The following OR1J2 variants were observed in gnomAD, a reference collection of about 807,000 sequenced individuals.
The protein encoded by OR1J2 is olfactory receptor 1J2.
For missense variants in OR1J2, 304 were observed against 246.1 expected, an observed-to-expected ratio of 1.24 and a Z score of -1.57; for synonymous variants, 142 against 99.7, an observed-to-expected ratio of 1.42 and a Z score of -2.52.
chr9:122,466,419 T>G, the OR1J2 span, among the ~76,000 whole-genome samples: 1 of 152,214 alleles, frequency 6.6e-6, no homozygotes, highest in African/African-American at 2.4e-5. Flanking sequence ...GCTGTAATTC[T>G]AAGTTTGCAA....
chr9:122,510,273 C>T (rs765099539), upstream of OR1J2, among the ~76,000 whole-genome samples: 32 of 152,158 alleles, frequency 2.1e-4, no homozygotes, highest in Non-Finnish European at 3.7e-4. Context: ...TTGGAATACT[C>T]GCCACATTAA....
At chr9:122,547,010 A>G in the OR1J2 span, among the ~76,000 whole-genome samples, 1 of 152,118 alleles carries the variant, frequency 6.6e-6, no homozygotes, top group East Asian at 1.9e-4. Flanking sequence ...ATTGTTAACT[A>G]TAGTCATCCT....
At chr9:122,542,472 G>C in the OR1J2 span, among the ~76,000 whole-genome samples, 1 of 152,034 alleles carries the variant, frequency 6.6e-6, no homozygotes, top group African/African-American at 2.4e-5. Context: ...CAGTTGCCCT[G>C]TATTTTCAAC....
the OR1J2 span, among the ~76,000 whole-genome samples, chr9:122,568,966 G>T: frequency 1.1e-4 from 17 of 150,950 alleles, no homozygotes; most frequent in African/African-American, 3.9e-4. Context: ...TCAGACTGGG[G>T]GTATTTTAGA....
the OR1J2 span, among the ~76,000 whole-genome samples, chr9:122,504,062 G>A: frequency 6.6e-6 from 1 of 152,166 alleles, no homozygotes; most frequent in African/African-American, 2.4e-5. Context: ...TGATCTGGGG[G>A]CCCAGGCTAC....
the OR1J2 span, among the ~76,000 whole-genome samples, chr9:122,492,914 G>A: frequency 6.1e-4 from 93 of 152,012 alleles, no homozygotes; most frequent in African/African-American, 9.2e-4. Context: ...GGTTTTAATC[G>A]TAAAAGGATG....
the OR1J2 span, among the ~76,000 whole-genome samples, chr9:122,497,307 G>A: frequency 1.3e-5 from 2 of 152,146 alleles, no homozygotes; most frequent in Non-Finnish European, 2.9e-5. Flanking sequence ...CATCAGAGTG[G>A]GAGCTGCAAG....
chr9:122,477,911 G>T, the OR1J2 span: 22 of 1,600,182 alleles, frequency 1.4e-5, no homozygotes, highest in Middle Eastern at 1.7e-4. Flanking sequence ...ACGCTGCTCT[G>T]GTTCTCAGGG....
At chr9:122,471,728 A>G in the OR1J2 span, among the ~76,000 whole-genome samples, 25 of 152,180 alleles carry the variant, frequency 1.6e-4, 1 homozygote, top group Non-Finnish European at 2.5e-4. Context: ...AAAAGATCCT[A>G]TTGATCAAAT....
At chr9:122,570,088 A>G in the OR1J2 span, among the ~76,000 whole-genome samples, 1 of 149,220 alleles carries the variant, frequency 6.7e-6, no homozygotes, top group African/African-American at 2.5e-5. Flanking sequence ...ATTGTTGGAC[A>G]TTTGGGTTGG....
At chr9:122,531,366 A>C in the OR1J2 span, among the ~76,000 whole-genome samples, 1 of 152,220 alleles carries the variant, frequency 6.6e-6, no homozygotes, top group Non-Finnish European at 1.5e-5. Context: ...GAAACAGTGT[A>C]AACTGGCAGT....
At chr9:122,471,998 G>T in the OR1J2 span, among the ~76,000 whole-genome samples, 1 of 152,098 alleles carries the variant, frequency 6.6e-6, no homozygotes, top group East Asian at 1.9e-4. Context: ...AAACAATACT[G>T]GTCAGGTACC....
chr9:122,530,403 G>A, the OR1J2 span, among the ~76,000 whole-genome samples: 15 of 152,202 alleles, frequency 9.9e-5, no homozygotes, highest in Non-Finnish European at 2.2e-4. Flanking sequence ...GAGGCTAAAC[G>A]TACTACACTT....
chr9:122,545,852 T>C, the OR1J2 span, among the ~76,000 whole-genome samples: 66,198 of 151,624 alleles, frequency 0.44, 15,579 homozygotes, highest in East Asian at 0.87. Flanking sequence ...TAAATACCTA[T>C]GAATAATATT....
chr9:122,531,469 T>C, the OR1J2 span, among the ~76,000 whole-genome samples: 6 of 152,172 alleles, frequency 3.9e-5, no homozygotes, highest in Admixed American at 1.3e-4. Context: ...TTTTTTGGGG[T>C]ACAGTCCAGG....
chr9:122,503,528 A>G, the OR1J2 span, among the ~76,000 whole-genome samples: 10 of 152,252 alleles, frequency 6.6e-5, no homozygotes, highest in Admixed American at 6.5e-4. Flanking sequence ...GGTGAAGGAC[A>G]GAATGTGGTT....
At chr9:122,508,140 G>GAAA (rs1828562925), upstream of OR1J2, among the ~76,000 whole-genome samples, 1 of 145,310 alleles carries the variant, frequency 6.9e-6, no homozygotes, top group African/African-American at 2.6e-5. Flanking sequence ...GAGAGAGAGA[G>GAAA]GGAGAGAGAG....
At chr9:122,535,445 C>T in the OR1J2 span, among the ~76,000 whole-genome samples, 1 of 152,028 alleles carries the variant, frequency 6.6e-6, no homozygotes, top group Non-Finnish European at 1.5e-5. Flanking sequence ...GTTTTGGGTC[C>T]ACGGATAAAA....
At chr9:122,520,152 C>CCTTGCTGGGAT in the OR1J2 span, 1 of 1,135,040 alleles carries the variant, frequency 8.8e-7, no homozygotes. Context: ...ACTTCTGATC[C>CCTTGCTGGGAT]CAGCAAGGGA....
Sources: gnomAD v4.1 joint callset for allele counts (sites outside exome capture counted in the v4.1 genomes callset) on GRCh38, gnomAD v4.1.1 for gene constraint, MANE v1.5 for transcripts, NCBI Gene and HGNC (gene_info 2026-07-23, HGNC 2026-07-21) for gene names.